ZNF385D: variants seen among roughly 807,000 people sequenced by gnomAD.
The protein encoded by ZNF385D is zinc finger protein 385D.
Under a neutral mutation model 35.8 loss-of-function variants are expected in ZNF385D, and 15 were observed. The ratio of observed to expected loss-of-function variants is 0.42; its 90% CI spans 0.28 to 0.64. The LOEUF is 0.64. ZNF385D is among the 30% of genes least tolerant of loss of function. The probability of loss-of-function intolerance (pLI) is 0.23; values close to 1 mark genes in which losing one functional copy is unlikely to be tolerated. For missense variants in ZNF385D, 474 were observed against 494.6 expected (o/e 0.96, Z 0.39); for synonymous variants, 212 against 186.8 (o/e 1.13, Z -1.10).
At chr3:21,585,048 C>T (rs2063771931) in intron 2 of ZNF385D, among the ~76,000 whole-genome samples, 1 of 44,084 alleles carries the variant, frequency 2.3e-5, no homozygotes, top group Non-Finnish European at 4.4e-5. Context: ...TATAACGAAT[C>T]TTTGTGCCAG....
chr3:21,672,030 A>C (rs1194013008), intron 1 of ZNF385D, among the ~76,000 whole-genome samples: 2 of 152,134 alleles, frequency 1.3e-5, no homozygotes, highest in African/African-American at 4.8e-5. Flanking sequence ...TCAAATATTC[A>C]AGGTTGTTGG....
chr3:21,945,196 TGA>T (rs1213678663), intron 3 of ZNF385D, among the ~76,000 whole-genome samples: 2 of 125,292 alleles, frequency 1.6e-5, no homozygotes, highest in East Asian at 4.9e-4. Context: ...AGAGACAGAT[TGA>T]GAGAAAGAGA....
intron 3 of ZNF385D, among the ~76,000 whole-genome samples, chr3:21,980,196 G>A (rs1012468405): frequency 1.3e-5 from 2 of 152,118 alleles, no homozygotes; most frequent in Non-Finnish European, 2.9e-5. Context: ...TTCTTGGCAT[G>A]TGAATGAGCT....
At chr3:22,029,851 G>C (rs768819285) in intron 3 of ZNF385D, among the ~76,000 whole-genome samples, 1 of 151,896 alleles carries the variant, frequency 6.6e-6, no homozygotes, top group Non-Finnish European at 1.5e-5. Context: ...ATGGGTTCAA[G>C]TTGACAAGGG....
At chr3:21,942,510 A>C (rs948699018) in intron 3 of ZNF385D, 27 of 152,232 alleles carry the variant, frequency 1.8e-4, no homozygotes, top group African/African-American at 6.5e-4. Flanking sequence ...AGCGCTGCAG[A>C]AACAGCCACA....
At chr3:21,785,834 T>G (rs948744016) in intron 3 of ZNF385D, among the ~76,000 whole-genome samples, 17 of 152,130 alleles carry the variant, frequency 1.1e-4, no homozygotes. Flanking sequence ...TATATAAACC[T>G]ATTTGACTAA....
chr3:21,622,910 A>G (rs1378994388), intron 2 of ZNF385D, among the ~76,000 whole-genome samples: 1 of 152,130 alleles, frequency 6.6e-6, no homozygotes, highest in Non-Finnish European at 1.5e-5. Flanking sequence ...ACATTTCTAT[A>G]TAGCTTGCCC....
chr3:21,743,195 G>A (rs1273948994), intron 1 of ZNF385D, among the ~76,000 whole-genome samples: 2 of 152,210 alleles, frequency 1.3e-5, no homozygotes, highest in Non-Finnish European at 2.9e-5. Flanking sequence ...ACTAGACTGG[G>A]ATTCCATCTT....
At chr3:22,081,785 AT>A (rs891739197) in intron 3 of ZNF385D, among the ~76,000 whole-genome samples, 1 of 152,104 alleles carries the variant, frequency 6.6e-6, no homozygotes, top group Non-Finnish European at 1.5e-5. Flanking sequence ...TTCTCTGGTC[AT>A]TTTTTTAAAA....
At chr3:21,971,743 T>C (rs1044721364) in intron 3 of ZNF385D, among the ~76,000 whole-genome samples, 8 of 150,018 alleles carry the variant, frequency 5.3e-5, no homozygotes, top group Non-Finnish European at 8.9e-5. Context: ...TAAAGATACA[T>C]ATAAACTGAA....
chr3:21,833,071 TATTC>T (rs1326592247), intron 3 of ZNF385D, among the ~76,000 whole-genome samples: 1 of 152,216 alleles, frequency 6.6e-6, no homozygotes, highest in Non-Finnish European at 1.5e-5. Context: ...ATGATGCATT[TATTC>T]ATTCATCAAT....
At chr3:21,579,132 C>T (rs937969737) in intron 2 of ZNF385D, 3 of 152,108 alleles carry the variant, frequency 2.0e-5, no homozygotes, top group African/African-American at 7.2e-5. Flanking sequence ...AGTCAGGTTT[C>T]TCGATGTTTA....
intron 4 of ZNF385D, among the ~76,000 whole-genome samples, chr3:21,504,049 T>G (rs1233310530): frequency 6.6e-6 from 1 of 152,108 alleles, no homozygotes; most frequent in Non-Finnish European, 1.5e-5. Context: ...ATTAGTAGCT[T>G]TATCTGATGA....
chr3:22,068,239 C>A (rs1275971257), intron 3 of ZNF385D, among the ~76,000 whole-genome samples: 1 of 152,164 alleles, frequency 6.6e-6, no homozygotes, highest in African/African-American at 2.4e-5. Flanking sequence ...TCACTAGACA[C>A]TGTGATGCTA....
At chr3:21,540,740 G>A (rs1250095048) in intron 3 of ZNF385D, among the ~76,000 whole-genome samples, 2 of 152,156 alleles carry the variant, frequency 1.3e-5, no homozygotes, top group African/African-American at 2.4e-5. Context: ...CCAATAAAGA[G>A]TAACCACATA....
chr3:22,312,471 C>G (rs1410652105), intron 2 of ZNF385D, among the ~76,000 whole-genome samples: 3 of 151,948 alleles, frequency 2.0e-5, no homozygotes, highest in Non-Finnish European at 4.4e-5. Flanking sequence ...AGGCAACCTA[C>G]AGAATGGGAG....
intron 3 of ZNF385D, among the ~76,000 whole-genome samples, chr3:21,807,357 C>A (rs2072698896): frequency 6.6e-6 from 1 of 152,020 alleles, no homozygotes. Flanking sequence ...TGGTTTATGA[C>A]ACTATGAAGA....
chr3:22,027,320 G>A (rs745472988), intron 3 of ZNF385D, among the ~76,000 whole-genome samples: 17 of 152,192 alleles, frequency 1.1e-4, no homozygotes, highest in Non-Finnish European at 2.1e-4. Flanking sequence ...ATGGGGTCCC[G>A]AACAGGGGAA....
At chr3:22,315,031 A>C (rs1050935054) in intron 2 of ZNF385D, among the ~76,000 whole-genome samples, 18 of 152,182 alleles carry the variant, frequency 1.2e-4, no homozygotes, top group African/African-American at 4.3e-4. Context: ...CTCATGATGA[A>C]GGCTGAATTG....
Sources: gnomAD v4.1 joint callset for allele counts (sites outside exome capture counted in the v4.1 genomes callset) on GRCh38, gnomAD v4.1.1 for gene constraint, MANE v1.5 for transcripts, NCBI Gene and HGNC (gene_info 2026-07-23, HGNC 2026-07-21) for gene names.